The following AGRN variants were observed in gnomAD, a reference collection of about 807,000 sequenced individuals.
The protein encoded by AGRN is agrin.
Under a neutral mutation model 211.0 loss-of-function variants are expected in AGRN, and 106 were observed. The observed-to-expected ratio is 0.50, with a 90% CI of 0.43 to 0.59. The LOEUF (loss-of-function observed/expected upper bound fraction) is 0.59, where lower values mean the gene tolerates loss of function less well. Ranked by LOEUF, AGRN falls within the 20% of genes least tolerant of loss-of-function variation. The probability of loss-of-function intolerance (pLI) is 0.00; values close to 1 mark genes in which losing one functional copy is unlikely to be tolerated. For missense variants in AGRN, 3,040 were observed against 2,982.6 expected (o/e 1.02, Z -0.45); for synonymous variants, 1,525 against 1,332.5 (o/e 1.14, Z -3.15).
At chr1:1,035,881 C>G (rs575005908) in intron 3 of AGRN, among the ~76,000 whole-genome samples, 1 of 152,170 alleles carries the variant, frequency 6.6e-6, no homozygotes, top group East Asian at 1.9e-4. Context: ...CCTTGTTGAC[C>G]TGCTTTGTGA....
chr1:1,048,364 G>C lies in AGRN; in HGVS notation c.4104G>C (p.Lys1368Asn). ...PAGRGGAVCE[K>N]VLGAPVPAFE... ...GCAGGGGAGGCGCCGTCTGTGAGAA[G>C]GGTAAGGATGTCCACTGCAGAGGAG... Residue 1368 changes from lysine to asparagine, a missense_variant and splice_region_variant, in exon 23 of 36, where the codon AAG (lysine) becomes AAC (asparagine). Physicochemically the swap from Lys to Asn is moderately conservative, Grantham distance 94. Transcript: ENST00000379370. This position sits in a 1 kb window ranked among gnomAD's most constrained non-coding sequence, Gnocchi z 5.9. 1 of 1,457,608 alleles carries C rather than the reference G, an allele frequency of 6.9e-7. No homozygotes were observed. Among genetic ancestry groups the C allele is most frequent in the Non-Finnish European group, 9.1e-7 (1 of 1,101,390 alleles). The allele number at this position is 1,457,608 out of a possible 1,614,324, so 90.3% of individuals were successfully genotyped here.
Position 1,055,816 on chromosome 1 carries a change from C to T in AGRN, c.*835C>T, listed in dbSNP as rs763259920. The T allele has an allele frequency of 6.6e-6, 1 of 152,434 alleles. No homozygotes were observed. The highest frequency in any genetic ancestry group is 1.5e-5 in the Non-Finnish European group (1 of 68,188). The allele number at this position is 152,434 out of a possible 1,614,324, so 9.4% of individuals were successfully genotyped here. A position where few individuals can be genotyped will look rare whatever the true frequency, so the allele number is the denominator to read the frequency against. On this transcript the variant is annotated 3_prime_UTR_variant, in exon 36 of 36. Transcript: ENST00000379370. ...GGCTGAGGGCTGCCTCACTGCAAAT[C>T]CTCCCCACAGCGTCAGTGAAAGTCG... is the stretch of plus-strand genomic sequence containing the variant.
At chr1:1,045,926 C>G (rs1210573963) in intron 15 of AGRN, 38 bp from the exon 16 acceptor site, 2 of 1,611,376 alleles carry the variant, frequency 1.2e-6, no homozygotes, top group East Asian at 4.5e-5. Flanking sequence ...GGGGTGGGGT[C>G]ACCCGAGCCA....
In AGRN at chr1:1,051,548, A is replaced by G. The variant is rs149659540; in HGVS notation, c.5466A>G (p.Ser1822=). ...CAGGTCACCCCTGCACCCGGGCCTC[A>G]GGCCACCCCTGCCTCAATGGGGCCT... The part of the protein sequence containing the change: ...SFAGHPCTRA[S]GHPCLNGASC... Residue 1822 remains serine, a synonymous_variant, in exon 32 of 36, where the codon TCA becomes TCG. Coordinates refer to ENST00000379370, the MANE Select transcript of AGRN (RefSeq NM_198576.4). 606 of 1,573,372 alleles carry G rather than the reference A, an allele frequency of 3.9e-4. 1 individual carries two copies. In the African/African-American group the frequency reaches 6.9e-3, roughly 18 times the overall value.
At chr1:1,020,636 T>C (rs1439888730) in intron 1 of AGRN, among the ~76,000 whole-genome samples, 15 of 152,056 alleles carry the variant, frequency 9.9e-5, no homozygotes, top group Non-Finnish European at 5.9e-5. Flanking sequence ...GGACTGCGGC[T>C]GCCGCGCGCC....
At position 1,051,614 on chromosome 1, in the gene AGRN, CG is replaced by C. The variant is rs1645294262; in HGVS notation, c.5537del (p.Gly1846AspfsTer36). The C allele has an allele frequency of 1.2e-6, 2 of 1,609,772 alleles. No homozygotes were observed. Among genetic ancestry groups the C allele is most frequent in the Non-Finnish European group, 1.7e-6 (2 of 1,177,922 alleles). On this transcript the variant is annotated frameshift_variant, in exon 32 of 36. Transcript: ENST00000379370. LOFTEE classifies it high-confidence loss of function. ...AGGCTGCCTATGTGTGCCTGTGTCC[CG>C]GGGGATTCTCAGGACCGCACTGCGA... ...REAAYVCLCP[G>X]GFSGPHCEKG...
chr1:1,034,201 C>G, intron 2 of AGRN: 1 of 985,414 alleles, frequency 1.0e-6, no homozygotes, highest in Non-Finnish European at 1.2e-6. Context: ...CACCGCCTCT[C>G]CGGCCTGCGC....
intron 35 of AGRN, 25 bp downstream of exon 35, chr1:1,054,576 A>G (rs751069135): frequency 1.3e-6 from 2 of 1,564,806 alleles, no homozygotes; most frequent in African/African-American, 2.7e-5. Context: ...GAGACTAGAG[A>G]GGGATGCCCA....
rs1644765697 is a variant in AGRN at position 1,034,956 on chromosome 1, G to A, written c.464-321G>A. The A allele has an allele frequency of 7.4e-5, 35 of 475,304 alleles. 1 individual carries two copies. The South Asian group carries it at 9.9e-4, about 13-fold the overall frequency. The allele number at this position is 475,304 out of a possible 1,614,324, so 29.4% of individuals were successfully genotyped here. A position where few individuals can be genotyped will look rare whatever the true frequency, so the allele number is the denominator to read the frequency against. Reference sequence around the variant, plus strand: ...GGGGCAGCCGGCTACACTGAGAGCCGGCAGTTGGGGGTAGGGCAGGACCTG... The same window carrying A: ...GGGGCAGCCGGCTACACTGAGAGCCAGCAGTTGGGGGTAGGGCAGGACCTG... On this transcript the variant is annotated intron_variant, in intron 2 of 35. Transcript: ENST00000379370.
Position 1,048,425 on chromosome 1 carries a change from G to C in AGRN, c.4105+60G>C. On this transcript the variant is annotated intron_variant, in intron 23 of 35. Coordinates refer to ENST00000379370, the MANE Select transcript of AGRN (RefSeq NM_198576.4). The surrounding 1 kb of genome is among the most constrained non-coding windows in gnomAD (Gnocchi z 5.9). Reference sequence around the variant, plus strand: ...CAGCAGGGTGGGGGCAAGGATTGGGGGTGGGGCTAAGCCACCATCAGGCTT... The same window carrying C: ...CAGCAGGGTGGGGGCAAGGATTGGGCGTGGGGCTAAGCCACCATCAGGCTT... 1 of 1,259,892 alleles carries C rather than the reference G, an allele frequency of 7.9e-7. No individual in the cohort carries two copies. Among genetic ancestry groups the C allele is most frequent in the Non-Finnish European group, 1.1e-6 (1 of 935,172 alleles). 78.0% of individuals were successfully genotyped at this position (1,259,892 alleles called of 1,614,324 possible).
chr1:1,020,361 G>C lies in AGRN; in HGVS notation c.189G>C (p.Thr63=), dbSNP rs1570124875. 1 of 1,498,022 alleles carries C rather than the reference G, an allele frequency of 6.7e-7. No homozygotes were observed. Among genetic ancestry groups the C allele is most frequent in the Non-Finnish European group, 8.9e-7 (1 of 1,122,492 alleles). 92.8% of individuals were successfully genotyped at this position (1,498,022 alleles called of 1,614,324 possible). A position where few individuals can be genotyped will look rare whatever the true frequency, so the allele number is the denominator to read the frequency against. ...EILNVDPVQH[T]YSCKVRVWRY... The stretch of plus-strand genomic sequence containing the variant: ...TCAACGTGGACCCGGTGCAGCACAC[G>C]TACTCCTGCAAGGTGCGCCCACCCG... The change falls in exon 1 of 36, where the codon ACG becomes ACC. Residue 63 remains threonine (T), a synonymous_variant. Coordinates refer to ENST00000379370, the MANE Select transcript of AGRN (RefSeq NM_198576.4).
chr1:1,037,895 C>G (rs1200035420), intron 3 of AGRN, among the ~76,000 whole-genome samples: 2 of 152,068 alleles, frequency 1.3e-5, no homozygotes, highest in East Asian at 3.9e-4. Context: ...TGTGCCATCA[C>G]CACGTGCACC....
chr1:1,052,424 A>C (rs1177603795), intron 33 of AGRN: 1 of 304,294 alleles, frequency 3.3e-6, no homozygotes, highest in African/African-American at 2.2e-5. Context: ...TGGGGGGGAC[A>C]TGTAGATATG....
rs771476551 is a variant in AGRN, at chr1:1,046,365, C to T, written c.2912-32C>T. 8.1e-5 allele frequency: 130 copies of T among 1,602,958 alleles called. 1 individual carries two copies. The highest frequency in any genetic ancestry group is 1.6e-4 in the Middle Eastern group (1 of 6,066). On this transcript the variant is annotated intron_variant, in intron 17 of 35. Transcript: ENST00000379370. ...CTGAGCCACCTGACCCTGTCCCAAC[C>T]GGTCCCCCCGCCAACCTCCCTCTCC...
At position 1,044,105 on chromosome 1, in the gene AGRN, G is replaced by A. The variant is rs371316293; in HGVS notation, c.2000-4G>A. 1.2e-5 allele frequency: 20 copies of A among 1,613,168 alleles called. No individual in the cohort carries two copies. Among genetic ancestry groups the A allele is most frequent in the East Asian group, 4.5e-5 (2 of 44,878 alleles). On this transcript the variant is annotated splice_polypyrimidine_tract_variant and splice_region_variant and intron_variant, in intron 10 of 35. Transcript: ENST00000379370. Reference sequence around the variant, plus strand: ...CTGGGTGACTCTGCTCCCCTTCCCCGCAGCCGAGTGCGGTTCCGGAGGCTC... The same window carrying A: ...CTGGGTGACTCTGCTCCCCTTCCCCACAGCCGAGTGCGGTTCCGGAGGCTC...
Position 1,048,082 on chromosome 1 carries a change from C to A in AGRN, c.3822C>A (p.Thr1274=). 1 of 1,579,234 alleles carries A rather than the reference C, an allele frequency of 6.3e-7. No homozygotes were observed. Among genetic ancestry groups the A allele is most frequent in the Admixed American group, 1.7e-5 (1 of 57,820 alleles). ...AIAAGATARA[T]TASRLPSSAV... Reference sequence around the variant, plus strand: ...CTGCGGGAGCCACGGCCAGAGCCACCACTGCATCGCGCCTGCCGTCCTCTG... The same window carrying A: ...CTGCGGGAGCCACGGCCAGAGCCACAACTGCATCGCGCCTGCCGTCCTCTG... Residue 1274 remains threonine, a synonymous_variant, in exon 23 of 36, where the codon ACC becomes ACA. Coordinates refer to ENST00000379370, the MANE Select transcript of AGRN (RefSeq NM_198576.4). This position sits in a 1 kb window ranked among gnomAD's most constrained non-coding sequence, Gnocchi z 5.9.
In AGRN at chr1:1,032,249, A is replaced by G. The variant is rs572202148; in HGVS notation, c.464-3028A>G. Among the ~76,000 whole-genome samples the G allele has an allele frequency of 6.6e-6, 1 of 152,286 alleles. No individual in the cohort carries two copies. Among genetic ancestry groups the G allele is most frequent in the African/African-American group, 2.4e-5 (1 of 41,550 alleles). On this transcript the variant is annotated intron_variant, in intron 2 of 35. Coordinates refer to ENST00000379370, the MANE Select transcript of AGRN (RefSeq NM_198576.4). The surrounding 1 kb of genome is among the most constrained non-coding windows in gnomAD (Gnocchi z 4.7). ...TCCTGCAGGGTTTCATTGGAACACC[A>G]GGTTCCAGGGCCGTAGAGATGTGGA...
chr1:1,041,990 G>A lies in AGRN; in HGVS notation c.1212G>A (p.Val404=). 6.2e-7 allele frequency: 1 copy of A among 1,611,616 alleles called. No homozygotes were observed. The highest frequency in any genetic ancestry group is 1.1e-5 in the South Asian group (1 of 91,074). Residue 404 remains valine (V), a synonymous_variant, in exon 7 of 36, where the codon GTG becomes GTA. Coordinates refer to ENST00000379370, the MANE Select transcript of AGRN (RefSeq NM_198576.4). Reference sequence around the variant, plus strand: ...CGGAGCCCTGCCGGTTCAATGCCGTGTGCCTGTCCCGCCGTGGCCGTCCCC... The same window carrying A: ...CGGAGCCCTGCCGGTTCAATGCCGTATGCCTGTCCCGCCGTGGCCGTCCCC... ...QCPEPCRFNA[V]CLSRRGRPRC...
At chr1:1,049,209 G>C in intron 24 of AGRN, 27 bp from the exon 25 acceptor site, 2 of 1,540,108 alleles carry the variant, frequency 1.3e-6, no homozygotes, top group Non-Finnish European at 8.7e-7. Flanking sequence ...CCGGGCGATG[G>C]TCCTGAGCAC....
Sources: allele counts gnomAD v4.1 joint callset (sites outside exome capture counted in the v4.1 genomes callset), GRCh38; gene constraint gnomAD v4.1.1; non-coding constraint Gnocchi (gnomAD v3.1); transcripts MANE v1.5; gene names NCBI Gene and HGNC (gene_info 2026-07-23, HGNC 2026-07-21).